The following B3GALT1 variants were observed in gnomAD, a reference collection of about 807,000 sequenced individuals.
B3GALT1 encodes the protein beta-1,3-galactosyltransferase 1, also known as UDP-Gal:betaGlcNAc beta 1,3-galactosyltransferase, polypeptide 1.
In B3GALT1, 10 loss-of-function variants were observed where a neutral mutation model predicts 23.2. The observed-to-expected ratio is 0.43, with a 90% CI of 0.27 to 0.73. The LOEUF (loss-of-function observed/expected upper bound fraction) is 0.73, where lower values mean the gene tolerates loss of function less well. Ranked by LOEUF, B3GALT1 falls within the 30% of genes least tolerant of loss-of-function variation. B3GALT1 has a pLI of 0.21. For missense variants in B3GALT1, 299 were observed against 405.4 expected (o/e 0.74, Z 2.25); for synonymous variants, 156 against 141.5 (o/e 1.10, Z -0.73).
intron 2 of B3GALT1, among the ~76,000 whole-genome samples, chr2:167,628,684 G>A (rs1171428346): frequency 6.6e-6 from 1 of 151,676 alleles, no homozygotes; most frequent in East Asian, 1.9e-4. Flanking sequence ...CACTGAACTA[G>A]GTAAAGATAA....
chr2:167,490,292 C>G lies in B3GALT1; in HGVS notation c.-410+15C>G, dbSNP rs1404102694. 2 of 152,128 alleles carry G rather than the reference C, an allele frequency of 1.3e-5. No homozygotes were observed. The highest frequency in any genetic ancestry group is 4.8e-5 in the African/African-American group (2 of 41,432). 9.4% of individuals were successfully genotyped at this position (152,128 alleles called of 1,614,324 possible). ...TTCATCATAGGGTAATAGCCGATTC[C>G]TATTTTTGATTTGATAGTCTGAATA... On this transcript the variant is annotated intron_variant, in intron 2 of 4. Transcript: ENST00000392690.
At chr2:167,638,373 TAAAAG>T (rs1685595431) in intron 2 of B3GALT1, among the ~76,000 whole-genome samples, 3 of 152,094 alleles carry the variant, frequency 2.0e-5, no homozygotes, top group South Asian at 4.1e-4. Flanking sequence ...TGTATGAACT[TAAAAG>T]AAAACTGATT....
intron 3 of B3GALT1, among the ~76,000 whole-genome samples, chr2:167,755,450 G>A (rs993974253): frequency 4.7e-5 from 7 of 149,028 alleles, no homozygotes; most frequent in African/African-American, 1.2e-4. Flanking sequence ...ATTTCTTCCC[G>A]AGAATTCTAT....
chr2:167,460,479 C>G (rs1238058079), intron 1 of B3GALT1, among the ~76,000 whole-genome samples: 3 of 151,954 alleles, frequency 2.0e-5, no homozygotes, highest in Non-Finnish European at 4.4e-5. Flanking sequence ...TGTCTCTTTC[C>G]TGATATTTCA....
intron 3 of B3GALT1, among the ~76,000 whole-genome samples, chr2:167,796,645 A>G (rs1000652219): frequency 7.9e-5 from 12 of 151,504 alleles, no homozygotes; most frequent in African/African-American, 2.9e-4. Context: ...GCTATTCGGG[A>G]GGCTGAGAGG....
chr2:167,698,223 T>A (rs1246319354), intron 3 of B3GALT1, among the ~76,000 whole-genome samples: 1 of 152,194 alleles, frequency 6.6e-6, no homozygotes, highest in Admixed American at 6.5e-5. Context: ...TGTGGATATT[T>A]TGTTTATAAG....
At position 167,622,326 on chromosome 2, in the gene B3GALT1, G is replaced by A. The variant is rs78909029; in HGVS notation, c.-409-24583G>A. On this transcript the variant is annotated intron_variant, in intron 2 of 4. Coordinates refer to ENST00000392690, the MANE Select transcript of B3GALT1 (RefSeq NM_020981.4). ...AAATTTTCCAGATGAAAAGAGACAC[G>A]TGGAAAAAATACGTCTCTGAATGTG... 1.8e-3 allele frequency among the ~76,000 whole-genome samples: 272 copies of A among 152,170 alleles called. 2 individuals carry two copies. The East Asian group carries it at 0.048, about 27-fold the overall frequency.
chr2:167,690,621 A>T (rs1040208428), intron 3 of B3GALT1, among the ~76,000 whole-genome samples: 2 of 152,132 alleles, frequency 1.3e-5, no homozygotes, highest in Admixed American at 1.3e-4. Context: ...TCTGTGTCTT[A>T]TTTGATACCT....
chr2:167,493,660 C>T (rs1404979863), intron 2 of B3GALT1, among the ~76,000 whole-genome samples: 1 of 152,034 alleles, frequency 6.6e-6, no homozygotes, highest in African/African-American at 2.4e-5. Context: ...AAGACGGACT[C>T]CAGTGCAGGA....
At chr2:167,519,635 T>G (rs1236674030) in intron 2 of B3GALT1, among the ~76,000 whole-genome samples, 1 of 152,240 alleles carries the variant, frequency 6.6e-6, no homozygotes, top group Non-Finnish European at 1.5e-5. Flanking sequence ...CTATAGCATT[T>G]TTAACAGGAA....
chr2:167,813,738 A>G (rs561769132), intron 3 of B3GALT1, among the ~76,000 whole-genome samples: 1 of 152,226 alleles, frequency 6.6e-6, no homozygotes, highest in Non-Finnish European at 1.5e-5. Flanking sequence ...TTTGTTCAGA[A>G]TAGTACCCTT....
intron 2 of B3GALT1, among the ~76,000 whole-genome samples, chr2:167,570,791 T>A (rs1684278124): frequency 6.6e-6 from 1 of 151,912 alleles, no homozygotes; most frequent in African/African-American, 2.4e-5. Context: ...AAACAAGGGG[T>A]TATATCATAT....
chr2:167,595,454 G>A (rs1684759950), intron 2 of B3GALT1, among the ~76,000 whole-genome samples: 1 of 152,110 alleles, frequency 6.6e-6, no homozygotes. Flanking sequence ...CAGACTGTTG[G>A]ATAAAATTTT....
rs542168862 is a variant in B3GALT1, at chr2:167,581,918, C to T, written c.-409-64991C>T. Among the ~76,000 whole-genome samples, 24 of 152,206 alleles carry T rather than the reference C, an allele frequency of 1.6e-4. 1 individual carries two copies. The highest frequency in any genetic ancestry group is 7.4e-5 in the Non-Finnish European group (5 of 68,006). ...TGCTTTCTGTTTATTTTGTTAAGAA[C>T]GGTCTAACTGAATGTGCCCTGTCTT... On this transcript the variant is annotated intron_variant, in intron 2 of 4. Transcript: ENST00000392690.
intron 1 of B3GALT1, among the ~76,000 whole-genome samples, chr2:167,324,851 T>A (rs759812252): frequency 2.6e-5 from 4 of 152,110 alleles, no homozygotes; most frequent in Non-Finnish European, 5.9e-5. Context: ...CAACCTCTCT[T>A]CATCAGTCCC....
chr2:167,472,174 T>C (rs1241715688), intron 1 of B3GALT1, among the ~76,000 whole-genome samples: 1 of 152,210 alleles, frequency 6.6e-6, no homozygotes, highest in East Asian at 1.9e-4. Context: ...TACAGGGATA[T>C]ACAAATTAGA....
intron 4 of B3GALT1, among the ~76,000 whole-genome samples, chr2:167,825,469 T>TGCGCAC (rs1212338242): frequency 1.5e-4 from 22 of 143,998 alleles, no homozygotes; most frequent in African/African-American, 5.0e-4. Flanking sequence ...TGCACGTGTG[T>TGCGCAC]GTGTGTGTTA....
At chr2:167,760,563 C>G (rs1558970665) in intron 3 of B3GALT1, among the ~76,000 whole-genome samples, 1 of 152,136 alleles carries the variant, frequency 6.6e-6, no homozygotes, top group East Asian at 1.9e-4. Flanking sequence ...AAAAATCAGG[C>G]CCAACAACAT....
intron 3 of B3GALT1, among the ~76,000 whole-genome samples, chr2:167,756,090 T>C (rs1687811848): frequency 6.6e-6 from 1 of 152,184 alleles, no homozygotes; most frequent in Non-Finnish European, 1.5e-5. Flanking sequence ...AAGGGAAATA[T>C]TCAGATTCTT....
Sources: allele counts gnomAD v4.1 joint callset (sites outside exome capture counted in the v4.1 genomes callset), GRCh38; gene constraint gnomAD v4.1.1; transcripts MANE v1.5; gene names NCBI Gene and HGNC (gene_info 2026-07-23, HGNC 2026-07-21).